The following PCDHGB2 variants were observed in gnomAD, a reference collection of about 807,000 sequenced individuals.
The protein encoded by PCDHGB2 is protocadherin gamma subfamily B, 2, also known as protocadherin gamma-B2.
PCDHGB2 carries 55 observed loss-of-function variants against 59.3 expected under a neutral mutation model. The ratio of observed to expected loss-of-function variants is 0.93; its 90% CI spans 0.75 to 1.16. The LOEUF is 1.16. PCDHGB2 is among the 50% of genes most tolerant of loss of function. The probability of loss-of-function intolerance (pLI) is 0.00; values close to 1 mark genes in which losing one functional copy is unlikely to be tolerated. For synonymous variants in PCDHGB2, 516 were observed against 512.0 expected (o/e 1.01, Z -0.11); for missense variants, 1,228 against 1,198.5 (o/e 1.02, Z -0.36).
intron 1 of PCDHGB2, among the ~76,000 whole-genome samples, chr5:141,463,518 G>T (rs537466389): frequency 7.2e-6 from 1 of 139,068 alleles, no homozygotes; most frequent in African/African-American, 2.8e-5. Context: ...GCGTGATCTC[G>T]GCTTACTAGA....
intron 1 of PCDHGB2, chr5:141,430,885 C>T (rs771554381): frequency 5.6e-6 from 9 of 1,605,218 alleles, no homozygotes; most frequent in South Asian, 1.1e-5. Flanking sequence ...TGGAGAAAGG[C>T]TCTAGGGTGG....
intron 1 of PCDHGB2, chr5:141,390,350 A>G: frequency 6.4e-7 from 1 of 1,563,816 alleles, no homozygotes; most frequent in South Asian, 1.2e-5. Context: ...AAGAAAATAT[A>G]CATATTTGCA....
At chr5:141,505,913 T>C (rs1457583355) in intron 3 of PCDHGB2, among the ~76,000 whole-genome samples, 1 of 152,098 alleles carries the variant, frequency 6.6e-6, no homozygotes, top group African/African-American at 2.4e-5. Context: ...AAGCATAGAG[T>C]TCTGGGCCTG....
intron 1 of PCDHGB2, chr5:141,389,758 G>A: frequency 1.2e-6 from 2 of 1,612,792 alleles, no homozygotes; most frequent in Non-Finnish European, 1.7e-6. Flanking sequence ...GGCGAAGTGC[G>A]CACAGCGCGT....
intron 1 of PCDHGB2, among the ~76,000 whole-genome samples, chr5:141,448,669 G>T: frequency 6.6e-6 from 1 of 152,136 alleles, no homozygotes; most frequent in East Asian, 1.9e-4. Flanking sequence ...GGCCGGGCGC[G>T]GTGGCTCACG....
At chr5:141,473,205 A>G (rs370808895) in intron 1 of PCDHGB2, among the ~76,000 whole-genome samples, 1 of 152,036 alleles carries the variant, frequency 6.6e-6, no homozygotes, top group African/African-American at 2.4e-5. Flanking sequence ...CTTCTAAAAA[A>G]TGCTTACTTC....
chr5:141,388,453 A>G (rs556619446), intron 1 of PCDHGB2: 1 of 1,613,846 alleles, frequency 6.2e-7, no homozygotes, highest in East Asian at 2.2e-5. Flanking sequence ...GATGGCAGTA[A>G]ATACCCTGAG....
At chr5:141,399,641 C>G in intron 1 of PCDHGB2, 1 of 1,613,852 alleles carries the variant, frequency 6.2e-7, no homozygotes, top group Non-Finnish European at 8.5e-7. Context: ...TCCATGAGCG[C>G]GCAAAGTGGG....
Position 141,414,407 on chromosome 5 carries a change from A to T in PCDHGB2, c.2421+51851A>T, listed in dbSNP as rs181582338. On this transcript the variant is annotated intron_variant, in intron 1 of 3. Transcript: ENST00000522605. ...GACAGTTATTACAGATTGGTGATACACAGAGCCCTTGACAGGGAACAGGTA... is the reference window on the plus strand; with the variant it reads ...GACAGTTATTACAGATTGGTGATACTCAGAGCCCTTGACAGGGAACAGGTA... 96 of 1,613,912 alleles carry T rather than the reference A, an allele frequency of 5.9e-5. No individual in the cohort carries two copies. In the East Asian group the frequency reaches 1.5e-3, roughly 25 times the overall value.
rs1197249074 is a variant in PCDHGB2 at position 141,438,579 on chromosome 5, CATACATACATACATATATAT to C, written c.2422-56224_2422-56205del. ...AAGAGGCAGCTGTCTGATATACATACATACATACATACATATATATATATATATATATATATATATATATA... is the reference window on the plus strand; with the variant it reads ...AAGAGGCAGCTGTCTGATATACATACATATATATATATATATATATATATA... On this transcript the variant is annotated intron_variant, in intron 1 of 3. Transcript: ENST00000522605. Among the ~76,000 whole-genome samples the C allele has an allele frequency of 5.3e-3, 298 of 55,734 alleles. 1 individual carries two copies. Among genetic ancestry groups the C allele is most frequent in the Admixed American group, 0.022 (77 of 3,542 alleles). The allele number at this position is 55,734 out of a possible 152,430, so 36.6% of individuals were successfully genotyped here.
rs759346998 is a variant in PCDHGB2 at position 141,410,849 on chromosome 5, C to CTTTTTTTTTTTTT, written c.2421+48303_2421+48315dup. 1.9e-3 allele frequency: 267 copies of CTTTTTTTTTTTTT among 138,158 alleles called. 27 individuals carry two copies. The highest frequency in any genetic ancestry group is 5.5e-3 in the African/African-American group (91 of 16,622). 8.6% of individuals were successfully genotyped at this position (138,158 alleles called of 1,614,324 possible). A position where few individuals can be genotyped will look rare whatever the true frequency, so the allele number is the denominator to read the frequency against. ...CAGACTGAAGATATTTTGTCTTTGT[C>CTTTTTTTTTTTTT]TTTTTTTTTTTTTTTTTTTTTTGAG... On this transcript the variant is annotated intron_variant, in intron 1 of 3. Coordinates refer to ENST00000522605, the MANE Select transcript of PCDHGB2 (RefSeq NM_018923.3).
At chr5:141,376,066 C>G in intron 1 of PCDHGB2, 1 of 1,613,396 alleles carries the variant, frequency 6.2e-7, no homozygotes, top group Non-Finnish European at 8.5e-7. Context: ...TCACGCTCAC[C>G]GTGGCCGTGG....
Position 141,372,058 on chromosome 5 carries a change from G to T in PCDHGB2, c.2421+9502G>T, listed in dbSNP as rs769464516. ...AGCCTGCGCGTGTTGGTGGACGACC[G>T]CAACGACAATGCACCGCTGGTGCTG... On this transcript the variant is annotated intron_variant, in intron 1 of 3. Transcript: ENST00000522605. The T allele has an allele frequency of 8.1e-6, 13 of 1,613,556 alleles. No individual in the cohort carries two copies. In the East Asian group the frequency reaches 2.9e-4, roughly 36 times the overall value.
At chr5:141,455,289 A>G (rs1592356100) in intron 1 of PCDHGB2, among the ~76,000 whole-genome samples, 2 of 152,192 alleles carry the variant, frequency 1.3e-5, no homozygotes, top group East Asian at 3.9e-4. Context: ...ATCACTTTAC[A>G]TAGTTTCATC....
intron 1 of PCDHGB2, chr5:141,388,335 C>G: frequency 1.2e-6 from 2 of 1,613,810 alleles, no homozygotes; most frequent in Non-Finnish European, 1.7e-6. Context: ...GCCTGGCACA[C>G]GATTTATATT....
At chr5:141,409,438 A>C (rs1459982502) in intron 1 of PCDHGB2, 1 of 1,613,866 alleles carries the variant, frequency 6.2e-7, no homozygotes, top group Non-Finnish European at 8.5e-7. Context: ...CCCTGGACCG[A>C]GAGCAGACAC....
chr5:141,467,008 A>T (rs1319152720), intron 1 of PCDHGB2, among the ~76,000 whole-genome samples: 1 of 150,270 alleles, frequency 6.7e-6, no homozygotes, highest in African/African-American at 2.4e-5. Context: ...TTGCAATGCA[A>T]TTTTTTTCCC....
chr5:141,415,819 TA>T, intron 1 of PCDHGB2: 2 of 1,328,322 alleles, frequency 1.5e-6, no homozygotes, highest in African/African-American at 1.5e-5. Context: ...CTATATATCA[TA>T]AGGCTTTGTT....
chr5:141,400,630 A>G, intron 1 of PCDHGB2: 8 of 1,394,666 alleles, frequency 5.7e-6, no homozygotes, highest in East Asian at 2.3e-5. Flanking sequence ...TAGGGAAGTC[A>G]GAGCTGCTCA....
Sources: allele counts gnomAD v4.1 joint callset (sites outside exome capture counted in the v4.1 genomes callset), GRCh38; gene constraint gnomAD v4.1.1; transcripts MANE v1.5; gene names NCBI Gene and HGNC (gene_info 2026-07-23, HGNC 2026-07-21).